The following ETFA variants were observed in gnomAD, a reference collection of about 807,000 sequenced individuals.
ETFA encodes electron transfer flavoprotein subunit alpha, mitochondrial.
ETFA carries 22 observed loss-of-function variants against 46.2 expected under a neutral mutation model. That is an observed-to-expected ratio of 0.48 (90% CI 0.34 to 0.68). The LOEUF (loss-of-function observed/expected upper bound fraction) is 0.68. ETFA is among the 30% of genes least tolerant of loss of function. The pLI, the probability that ETFA is intolerant of heterozygous loss-of-function variation, is 0.01. For synonymous variants in ETFA, 131 were observed against 139.9 expected, an observed-to-expected ratio of 0.94 and a Z score of 0.45; for missense variants, 345 against 401.1, an observed-to-expected ratio of 0.86 and a Z score of 1.19.
intron 11 of ETFA, among the ~76,000 whole-genome samples, chr15:76,219,748 A>G (rs1780261220): frequency 6.6e-6 from 1 of 152,346 alleles, no homozygotes. Flanking sequence ...ATCACTAGTT[A>G]TTAGGAAAAC....
intron 9 of ETFA, among the ~76,000 whole-genome samples, chr15:76,245,669 C>T (rs1213750155): frequency 6.6e-6 from 1 of 152,162 alleles, no homozygotes; most frequent in East Asian, 1.9e-4. Context: ...TAGTAAAATA[C>T]CAAAATATAC....
intron 9 of ETFA, among the ~76,000 whole-genome samples, chr15:76,267,854 G>T (rs2039487185): frequency 6.6e-6 from 1 of 152,212 alleles, no homozygotes; most frequent in African/African-American, 2.4e-5. Context: ...TGGGAAAAAG[G>T]AAAGATAATT....
intron 9 of ETFA, among the ~76,000 whole-genome samples, chr15:76,242,115 G>A (rs1286682713): frequency 3.9e-5 from 6 of 152,144 alleles, no homozygotes; most frequent in Admixed American, 1.3e-4. Context: ...GATTACAGGC[G>A]TGAGCCACTT....
chr15:76,256,232 TGGGCAATAA>T (rs1326834667), intron 9 of ETFA, among the ~76,000 whole-genome samples: 1 of 134,094 alleles, frequency 7.5e-6, no homozygotes, highest in Non-Finnish European at 1.5e-5. Flanking sequence ...CACTCCAGCC[TGGGCAATAA>T]GAGTGAGACT....
chr15:76,262,315 A>G (rs1485702981), intron 9 of ETFA, among the ~76,000 whole-genome samples: 1 of 151,444 alleles, frequency 6.6e-6, no homozygotes, highest in Non-Finnish European at 1.5e-5. Flanking sequence ...CTAGAGTCCC[A>G]GAACAAAAGT....
intron 4 of ETFA, among the ~76,000 whole-genome samples, chr15:76,289,459 A>AT (rs2039736762): frequency 6.6e-6 from 1 of 152,052 alleles, no homozygotes; most frequent in African/African-American, 2.4e-5. Context: ...TGTCTTTTGT[A>AT]TTTTCATTAT....
In ETFA at chr15:76,295,936, C is replaced by CTTTTTTTTTTTTTTTTTTTTTTGT. The variant is rs2039817171; in HGVS notation, c.40-200_40-199insACAAAAAAAAAAAAAAAAAAAAAA. 6.4e-5 allele frequency among the ~76,000 whole-genome samples: 3 copies of CTTTTTTTTTTTTTTTTTTTTTTGT among 46,602 alleles called. 1 individual carries two copies. Among genetic ancestry groups the CTTTTTTTTTTTTTTTTTTTTTTGT allele is most frequent in the Non-Finnish European group, 8.5e-5 (2 of 23,544 alleles). The allele number at this position is 46,602 out of a possible 152,430, so 30.6% of individuals were successfully genotyped here. On this transcript the variant is annotated intron_variant, in intron 1 of 11. Transcript: ENST00000557943. ...TGTCTATCACTGTACCACTAATATT[C>CTTTTTTTTTTTTTTTTTTTTTTGT]TTTTTTTTTTTTTTTTTTTTTTTGA...
intron 9 of ETFA, among the ~76,000 whole-genome samples, chr15:76,250,728 G>A (rs937834926): frequency 3.3e-5 from 5 of 151,344 alleles, no homozygotes; most frequent in Admixed American, 1.3e-4. Flanking sequence ...GTAGAAAGGA[G>A]GTCTCGCTAT....
intron 9 of ETFA, among the ~76,000 whole-genome samples, chr15:76,266,997 T>C (rs1406261076): frequency 6.6e-6 from 1 of 152,236 alleles, no homozygotes; most frequent in African/African-American, 2.4e-5. Flanking sequence ...TCATCCAACT[T>C]TAGGCATGCC....
chr15:76,300,186 C>T (rs2039865689), intron 1 of ETFA, among the ~76,000 whole-genome samples: 1 of 152,156 alleles, frequency 6.6e-6, no homozygotes, highest in Non-Finnish European at 1.5e-5. Flanking sequence ...ATATAAATCT[C>T]AAATAGGGTT....
Position 76,299,786 on chromosome 15 carries a change from G to A in ETFA, c.40-4049C>T, listed in dbSNP as rs190899195. Among the ~76,000 whole-genome samples, 3 of 152,082 alleles carry A rather than the reference G, an allele frequency of 2.0e-5. No individual in the cohort carries two copies. In the East Asian group the frequency reaches 5.8e-4, roughly 29 times the overall value. The stretch of plus-strand genomic sequence containing the variant: ...AAGCTGCTGTGGATCCTTTCTCCTG[G>A]GTCTAATCCCTTCATCTGGGATCTA... On this transcript the variant is annotated intron_variant, in intron 1 of 11. Coordinates refer to ENST00000557943, the MANE Select transcript of ETFA (RefSeq NM_000126.4).
At chr15:76,306,721 T>C (rs1244145049) in intron 1 of ETFA, among the ~76,000 whole-genome samples, 4 of 152,350 alleles carry the variant, frequency 2.6e-5, no homozygotes, top group Non-Finnish European at 5.9e-5. Flanking sequence ...CTTTAAATAC[T>C]TCCTTTAATC....
At chr15:76,256,262 G>GAAA (rs59670988) in intron 9 of ETFA, among the ~76,000 whole-genome samples, 98 of 95,604 alleles carry the variant, frequency 1.0e-3, no homozygotes, top group African/African-American at 1.7e-3. Context: ...CCGTCTCAAG[G>GAAA]AAAAAAAAAA....
chr15:76,295,936 C>CTTTTTTTTTTTTTTTTTTTTT (rs1157687784), intron 1 of ETFA, among the ~76,000 whole-genome samples, 199 bp from the exon 2 acceptor site: 510 of 46,596 alleles, frequency 0.011, 157 homozygotes, highest in Non-Finnish European at 0.016. Context: ...CACTAATATT[C>CTTTTTTTTTTTTTTTTTTTTT]TTTTTTTTTT....
rs138718338 is a variant in ETFA at position 76,266,730 on chromosome 15, C to T, written c.816+7682G>A. 3.8e-4 allele frequency among the ~76,000 whole-genome samples: 58 copies of T among 152,090 alleles called. No homozygotes were observed. In the East Asian group the frequency reaches 0.011, roughly 28 times the overall value. Reference sequence around the variant, plus strand: ...CATCCTGGCTAACACAGTGAAACCCCGCTTCTACTAAAAATACAAAAAAAT... The same window carrying T: ...CATCCTGGCTAACACAGTGAAACCCTGCTTCTACTAAAAATACAAAAAAAT... On this transcript the variant is annotated intron_variant, in intron 9 of 11. Coordinates refer to ENST00000557943, the MANE Select transcript of ETFA (RefSeq NM_000126.4).
intron 9 of ETFA, among the ~76,000 whole-genome samples, chr15:76,266,082 T>C (rs758867380): frequency 1.3e-5 from 2 of 152,150 alleles, no homozygotes; most frequent in Non-Finnish European, 2.9e-5. Flanking sequence ...TATTTGTCAT[T>C]AAGAAAAAAT....
intron 2 of ETFA, 143 bp from the exon 3 acceptor site, chr15:76,292,843 T>G (rs965907856): frequency 2.8e-5 from 20 of 723,318 alleles, no homozygotes; most frequent in Non-Finnish European, 4.9e-5. Context: ...AGTTAAGAAT[T>G]AAAATATATT....
rs925349276 is a variant in ETFA, at chr15:76,269,544, T to C, written c.816+4868A>G. The stretch of plus-strand genomic sequence containing the variant: ...AATAAATAGCATGGCCTCCCAGAGC[T>C]TGGGGCCTTTGCAGCCTCCATACTA... On this transcript the variant is annotated intron_variant, in intron 9 of 11. Coordinates refer to ENST00000557943, the MANE Select transcript of ETFA (RefSeq NM_000126.4). Among the ~76,000 whole-genome samples, 4 of 152,226 alleles carry C rather than the reference T, an allele frequency of 2.6e-5. No homozygotes were observed. In the South Asian group the frequency reaches 6.2e-4, roughly 24 times the overall value.
chr15:76,249,573 C>T (rs1158762747), intron 9 of ETFA, among the ~76,000 whole-genome samples: 1 of 151,502 alleles, frequency 6.6e-6, no homozygotes, highest in Admixed American at 6.6e-5. Context: ...TCCCGAGTAG[C>T]TGGGACTACA....
Sources: gnomAD v4.1 joint callset for allele counts (sites outside exome capture counted in the v4.1 genomes callset) on GRCh38, gnomAD v4.1.1 for gene constraint, MANE v1.5 for transcripts, NCBI Gene and HGNC (gene_info 2026-07-23, HGNC 2026-07-21) for gene names.